Variants in CRPPA observed in about 807,000 individuals in gnomAD.
The protein encoded by CRPPA is D-ribitol-5-phosphate cytidylyltransferase.
In CRPPA, 43 loss-of-function variants were observed where a neutral mutation model predicts 52.0. That is an observed-to-expected ratio of 0.83 (90% CI 0.65 to 1.07). The LOEUF (loss-of-function observed/expected upper bound fraction) is 1.07. Among genes scored for constraint, CRPPA ranks in the 50% least tolerant of loss-of-function variants. CRPPA has a pLI of 0.00. For missense variants in CRPPA, 629 were observed against 551.7 expected (o/e 1.14, Z -1.40); for synonymous variants, 250 against 203.5 (o/e 1.23, Z -1.94).
chr7:16,216,231 A>C (rs1782305790), intron 8 of CRPPA, 34 bp from the exon 9 acceptor site: 1 of 1,401,786 alleles, frequency 7.1e-7, no homozygotes. Context: ...TTAGAATATC[A>C]TTCCCTTCAA....
At chr7:16,161,680 T>A (rs1780892154) in intron 9 of CRPPA, among the ~76,000 whole-genome samples, 1 of 152,180 alleles carries the variant, frequency 6.6e-6, no homozygotes, top group Admixed American at 6.5e-5. Context: ...AGTTTTAGTA[T>A]CAAGATGATG....
rs12112931 is a variant in CRPPA at position 16,229,589 on chromosome 7, T to G, written c.1120-13392A>C. On this transcript the variant is annotated intron_variant, in intron 8 of 9. Coordinates refer to ENST00000407010, the MANE Select transcript of CRPPA (RefSeq NM_001101426.4). ...TATTTAGTATTTTTCATGTCACAATTTTCATATTGCATATCCTTAAATTTG... is the reference window on the plus strand; with the variant it reads ...TATTTAGTATTTTTCATGTCACAATGTTCATATTGCATATCCTTAAATTTG... Among the ~76,000 whole-genome samples the G allele has an allele frequency of 0.019, 2,878 of 152,202 alleles. 131 individuals are homozygous for G. The East Asian group carries it at 0.2, about 10-fold the overall frequency.
chr7:16,368,087 A>G (rs1786656257), intron 3 of CRPPA, among the ~76,000 whole-genome samples: 1 of 151,932 alleles, frequency 6.6e-6, no homozygotes, highest in South Asian at 2.1e-4. Flanking sequence ...TCAGAATACC[A>G]TCTGTGAGCA....
At chr7:16,105,222 C>CT (rs982694751) in intron 9 of CRPPA, among the ~76,000 whole-genome samples, 2 of 152,150 alleles carry the variant, frequency 1.3e-5, no homozygotes, top group Non-Finnish European at 2.9e-5. Context: ...GGAAGAATAT[C>CT]TTTTTTTAAA....
At chr7:16,135,031 A>G (rs1782739574) in intron 9 of CRPPA, among the ~76,000 whole-genome samples, 1 of 152,200 alleles carries the variant, frequency 6.6e-6, no homozygotes, top group Non-Finnish European at 1.5e-5. Context: ...TTCATAAATA[A>G]CTAACACTAG....
intron 9 of CRPPA, among the ~76,000 whole-genome samples, chr7:16,092,919 G>A (rs1781864644): frequency 6.6e-6 from 1 of 151,968 alleles, no homozygotes; most frequent in South Asian, 2.1e-4. Context: ...AATATCTTTG[G>A]GCCAGCTAAT....
At chr7:16,269,482 T>C (rs1409188941) in intron 6 of CRPPA, 1 of 152,128 alleles carries the variant, frequency 6.6e-6, no homozygotes, top group Admixed American at 6.5e-5. Flanking sequence ...AAAACGTCGG[T>C]GTAGACTGCA....
chr7:16,393,700 G>A (rs1291579736), intron 2 of CRPPA, among the ~76,000 whole-genome samples: 3 of 151,904 alleles, frequency 2.0e-5, no homozygotes, highest in African/African-American at 4.8e-5. Flanking sequence ...AACCATAAAC[G>A]AAGACATTAG....
At chr7:16,368,719 T>C (rs1021732770) in intron 3 of CRPPA, among the ~76,000 whole-genome samples, 2 of 152,222 alleles carry the variant, frequency 1.3e-5, no homozygotes, top group African/African-American at 4.8e-5. Context: ...AAAGCTTCTA[T>C]TAATAAATGT....
intron 3 of CRPPA, among the ~76,000 whole-genome samples, chr7:16,372,386 C>T (rs1160573246): frequency 2.0e-5 from 3 of 152,302 alleles, no homozygotes; most frequent in African/African-American, 4.8e-5. Flanking sequence ...GGATTGGGGT[C>T]CTATCTTTAG....
At chr7:16,114,245 T>C (rs2128367875) in intron 9 of CRPPA, among the ~76,000 whole-genome samples, 1 of 151,744 alleles carries the variant, frequency 6.6e-6, no homozygotes, top group African/African-American at 2.4e-5. Context: ...AGACTCTGAA[T>C]ACTTTCTCCA....
At chr7:16,326,061 C>CAAA (rs5882567) in intron 3 of CRPPA, among the ~76,000 whole-genome samples, 9 of 135,640 alleles carry the variant, frequency 6.6e-5, no homozygotes, top group East Asian at 2.1e-4. Flanking sequence ...AAGAAAATCT[C>CAAA]AAAAAAAAAA....
intron 3 of CRPPA, among the ~76,000 whole-genome samples, chr7:16,342,776 A>ATATATAT (rs1208824325): frequency 1.8e-5 from 1 of 55,628 alleles, no homozygotes; most frequent in African/African-American, 7.3e-5. Context: ...AAAAAAAAAA[A>ATATATAT]AAAAAAATAT....
At chr7:16,307,919 A>G (rs1175655641) in intron 4 of CRPPA, among the ~76,000 whole-genome samples, 2 of 148,840 alleles carry the variant, frequency 1.3e-5, no homozygotes, top group African/African-American at 2.5e-5. Flanking sequence ...AGTGAAGAAA[A>G]AAAAAAAAAA....
intron 8 of CRPPA, among the ~76,000 whole-genome samples, chr7:16,219,202 T>A (rs1361737886): frequency 6.6e-6 from 1 of 151,634 alleles, no homozygotes; most frequent in Non-Finnish European, 1.5e-5. Flanking sequence ...ACTGGATACA[T>A]AACGAAATGA....
chr7:16,163,120 C>A (rs1036353845), intron 9 of CRPPA, among the ~76,000 whole-genome samples: 1 of 151,756 alleles, frequency 6.6e-6, no homozygotes, highest in African/African-American at 2.4e-5. Context: ...ACTACAGGCG[C>A]CTGCCACCAC....
rs563175652 is a variant in CRPPA, at chr7:16,155,131, C to T, written c.1251+60935G>A. 2.6e-5 allele frequency among the ~76,000 whole-genome samples: 4 copies of T among 152,000 alleles called. No individual in the cohort carries two copies. In the East Asian group the frequency reaches 7.7e-4, roughly 29 times the overall value. ...CGCCACCCCAGGCCTCAAAATGAGT[C>T]CTTATTACATTTGAATACATCAGTA... On this transcript the variant is annotated intron_variant, in intron 9 of 9. Transcript: ENST00000407010.
At chr7:16,239,431 A>G (rs1395189260) in intron 8 of CRPPA, among the ~76,000 whole-genome samples, 1 of 151,954 alleles carries the variant, frequency 6.6e-6, no homozygotes, top group African/African-American at 2.4e-5. Flanking sequence ...GGTATTAATT[A>G]CAAAATATAA....
intron 9 of CRPPA, among the ~76,000 whole-genome samples, chr7:16,120,780 G>A (rs906259172): frequency 6.6e-6 from 1 of 151,960 alleles, no homozygotes; most frequent in African/African-American, 2.4e-5. Flanking sequence ...AAAAAGAATT[G>A]GTTATAAAGA....
Sources: allele counts gnomAD v4.1 joint callset (sites outside exome capture counted in the v4.1 genomes callset), GRCh38; gene constraint gnomAD v4.1.1; transcripts MANE v1.5; gene names NCBI Gene and HGNC (gene_info 2026-07-23, HGNC 2026-07-21).